The following PDE3A variants were observed in gnomAD, a reference collection of about 807,000 sequenced individuals.
PDE3A encodes phosphodiesterase 3A.
Under a neutral mutation model 98.3 loss-of-function variants are expected in PDE3A, and 43 were observed. That is an observed-to-expected ratio of 0.44 (90% CI 0.34 to 0.56). The LOEUF (loss-of-function observed/expected upper bound fraction) is 0.56, where lower values mean the gene tolerates loss of function less well. Among genes scored for constraint, PDE3A ranks in the 20% least tolerant of loss-of-function variants. The probability of loss-of-function intolerance (pLI) is 0.01; values close to 1 mark genes in which losing one functional copy is unlikely to be tolerated. For synonymous variants in PDE3A, 663 were observed against 567.9 expected (o/e 1.17, Z -2.38); for missense variants, 1,427 against 1,440.7 (o/e 0.99, Z 0.15).
Position 20,397,307 on chromosome 12 carries a change from T to G in PDE3A, c.960+27063T>G, listed in dbSNP as rs537744873. 1.5e-3 allele frequency among the ~76,000 whole-genome samples: 226 copies of G among 152,172 alleles called. No homozygotes were observed. The South Asian group carries it at 0.015, about 10-fold the overall frequency. On this transcript the variant is annotated intron_variant, in intron 1 of 15. Coordinates refer to ENST00000359062, the MANE Select transcript of PDE3A (RefSeq NM_000921.5). ...TCTAGTAAATCATAGTTAAAAATTT[T>G]TGTGCATATGAGTGCTAGACATGGT...
At chr12:20,637,049 C>T (rs781025069) in intron 8 of PDE3A, 51 bp from the exon 9 acceptor site, 8 of 1,329,746 alleles carry the variant, frequency 6.0e-6, no homozygotes, top group Admixed American at 2.5e-5. Context: ...CACAAATTGC[C>T]CTGTAGAAAA....
In PDE3A at chr12:20,664,158, C is replaced by T. The variant is rs906333632; in HGVS notation, c.3184+9953C>T. ...CCACCATGATTATGTTTCCTGAGGCCTCCCCAGCCCTGTGGAACTGTGAGT... is the reference window on the plus strand; with the variant it reads ...CCACCATGATTATGTTTCCTGAGGCTTCCCCAGCCCTGTGGAACTGTGAGT... On this transcript the variant is annotated intron_variant, in intron 15 of 15. Transcript: ENST00000359062. Among the ~76,000 whole-genome samples the T allele has an allele frequency of 3.3e-5, 5 of 152,094 alleles. No individual in the cohort carries two copies. The East Asian group carries it at 7.7e-4, about 24-fold the overall frequency.
intron 1 of PDE3A, among the ~76,000 whole-genome samples, chr12:20,523,331 C>T (rs996410610): frequency 3.9e-5 from 6 of 152,080 alleles, no homozygotes; most frequent in African/African-American, 7.2e-5. Context: ...ATCAGCTGCC[C>T]GCTGTAGGTT....
chr12:20,588,136 G>A (rs1016159801), intron 2 of PDE3A, among the ~76,000 whole-genome samples: 3 of 152,170 alleles, frequency 2.0e-5, no homozygotes, highest in Non-Finnish European at 4.4e-5. Context: ...AAGGCGGTAG[G>A]GGCAGTTGTT....
chr12:20,556,358 A>G (rs1311934873), intron 1 of PDE3A, among the ~76,000 whole-genome samples: 2 of 152,308 alleles, frequency 1.3e-5, no homozygotes, highest in East Asian at 1.9e-4. Context: ...TAAAGGCTTA[A>G]TAATATGCAA....
chr12:20,647,945 C>T (rs958625457), intron 12 of PDE3A, among the ~76,000 whole-genome samples: 9 of 151,244 alleles, frequency 6.0e-5, no homozygotes, highest in African/African-American at 1.9e-4. Flanking sequence ...TTCTTTTTGT[C>T]CTATGTCTTT....
At chr12:20,597,551 C>T (rs1943495861) in intron 2 of PDE3A, among the ~76,000 whole-genome samples, 1 of 151,950 alleles carries the variant, frequency 6.6e-6, no homozygotes, top group Non-Finnish European at 1.5e-5. Flanking sequence ...ATAATGGTGA[C>T]TCTGTTCAGA....
At chr12:20,457,594 C>A in intron 1 of PDE3A, among the ~76,000 whole-genome samples, 2 of 149,166 alleles carry the variant, frequency 1.3e-5, no homozygotes, top group Admixed American at 6.7e-5. Context: ...AGTGATTGAC[C>A]CAGAATAGAA....
intron 1 of PDE3A, among the ~76,000 whole-genome samples, chr12:20,466,514 T>A (rs969497764): frequency 3.9e-5 from 6 of 152,190 alleles, no homozygotes; most frequent in African/African-American, 1.2e-4. Context: ...TAATGAGTGG[T>A]CATGAGTAAT....
intron 13 of PDE3A, 104 bp downstream of exon 13, chr12:20,648,995 G>C (rs1431042737): frequency 4.4e-6 from 3 of 688,398 alleles, no homozygotes; most frequent in Non-Finnish European, 4.7e-6. Flanking sequence ...GCACGATCTT[G>C]GCTCACTGCA....
chr12:20,488,440 A>T (rs1945769858), intron 1 of PDE3A, among the ~76,000 whole-genome samples: 2 of 152,200 alleles, frequency 1.3e-5, no homozygotes, highest in Admixed American at 6.5e-5. Context: ...ACTCACATTT[A>T]AAAAATTTAA....
chr12:20,652,282 C>G (rs1944937110), intron 14 of PDE3A, among the ~76,000 whole-genome samples: 2 of 152,188 alleles, frequency 1.3e-5, no homozygotes, highest in African/African-American at 4.8e-5. Flanking sequence ...GGGTATATAC[C>G]CAGTAATGGG....
chr12:20,631,698 G>GTTTT (rs146405398), intron 6 of PDE3A, among the ~76,000 whole-genome samples: 40 of 44,306 alleles, frequency 9.0e-4, no homozygotes, highest in East Asian at 8.1e-3. Context: ...TCATCATAGT[G>GTTTT]TATTTTTTTT....
intron 2 of PDE3A, among the ~76,000 whole-genome samples, chr12:20,598,246 G>A (rs559319981): frequency 1.6e-4 from 24 of 151,552 alleles, no homozygotes; most frequent in Non-Finnish European, 3.1e-4. Flanking sequence ...GCAATGGCGC[G>A]ATCTCAGCTC....
At chr12:20,425,389 T>C (rs1293030342) in intron 1 of PDE3A, among the ~76,000 whole-genome samples, 1 of 152,202 alleles carries the variant, frequency 6.6e-6, no homozygotes, top group African/African-American at 2.4e-5. Flanking sequence ...ATTTCACCTT[T>C]CAAAATGAAG....
intron 2 of PDE3A, among the ~76,000 whole-genome samples, chr12:20,610,542 C>T (rs536642047): frequency 6.6e-6 from 1 of 151,954 alleles, no homozygotes; most frequent in African/African-American, 2.4e-5. Context: ...GATAAAATCA[C>T]CACCTCATAA....
chr12:20,526,454 T>A (rs1352793421), intron 1 of PDE3A, among the ~76,000 whole-genome samples: 7 of 152,284 alleles, frequency 4.6e-5, no homozygotes, highest in South Asian at 2.1e-4. Flanking sequence ...TAAATCAAAT[T>A]TTTTTAAAAA....
At chr12:20,559,628 G>A (rs964123624) in intron 2 of PDE3A, among the ~76,000 whole-genome samples, 1 of 151,300 alleles carries the variant, frequency 6.6e-6, no homozygotes, top group African/African-American at 2.4e-5. Flanking sequence ...CCAAGATCAT[G>A]CCACTGCACT....
At chr12:20,600,901 T>A (rs770754490) in intron 2 of PDE3A, among the ~76,000 whole-genome samples, 46 of 152,194 alleles carry the variant, frequency 3.0e-4, no homozygotes, top group Admixed American at 7.9e-4. Context: ...TCTCAAACAC[T>A]TTAATTTACT....
Sources: allele counts gnomAD v4.1 joint callset (sites outside exome capture counted in the v4.1 genomes callset), GRCh38; gene constraint gnomAD v4.1.1; transcripts MANE v1.5; gene names NCBI Gene and HGNC (gene_info 2026-07-23, HGNC 2026-07-21).